Variants in CDHR3 observed in about 807,000 individuals in gnomAD.
The protein encoded by CDHR3 is cadherin related family member 3.
CDHR3 carries 79 observed loss-of-function variants against 86.6 expected under a neutral mutation model. The observed-to-expected ratio is 0.91, with a 90% CI of 0.76 to 1.10. CDHR3 has a LOEUF of 1.10. CDHR3 is among the 50% of genes least tolerant of loss of function. The pLI, the probability that CDHR3 is intolerant of heterozygous loss-of-function variation, is 0.00. For missense variants in CDHR3, 1,081 were observed against 1,077.6 expected (o/e 1.00, Z -0.04); for synonymous variants, 421 against 402.4 (o/e 1.05, Z -0.55).
Position 106,032,409 on chromosome 7 carries a change from T to A in CDHR3, c.2370T>A (p.Tyr790Ter). The A allele has an allele frequency of 6.2e-7, 1 of 1,609,782 alleles. No individual in the cohort carries two copies. The highest frequency in any genetic ancestry group is 8.5e-7 in the Non-Finnish European group (1 of 1,177,066). Residue 790 changes from tyrosine (Y) to a stop codon, truncating the protein, a stop_gained, in exon 19 of 19, where the codon TAT (tyrosine) becomes TAA (stop). Coordinates refer to ENST00000317716, the MANE Select transcript of CDHR3 (RefSeq NM_152750.5). LOFTEE classifies it high-confidence loss of function. ...EAIDPVTGET[Y>*]EFNSKTGARK... ...TTTCACTAGTGACCGGGGAAACATA[T>A]GAATTCAACTCAAAAACTGGAGCCA... is the stretch of plus-strand genomic sequence containing the variant.
intron 3 of CDHR3, among the ~76,000 whole-genome samples, chr7:105,981,872 A>G (rs1248376284): frequency 6.6e-6 from 1 of 151,884 alleles, no homozygotes; most frequent in Non-Finnish European, 1.5e-5. Context: ...GCCTTGAGTC[A>G]TCCTTGACTC....
chr7:105,970,516 C>A (rs889713670), intron 1 of CDHR3, among the ~76,000 whole-genome samples: 1 of 152,120 alleles, frequency 6.6e-6, no homozygotes, highest in African/African-American at 2.4e-5. Flanking sequence ...TCCATTAGAG[C>A]CTCCTTCTTG....
intron 13 of CDHR3, among the ~76,000 whole-genome samples, chr7:106,021,385 G>A (rs1311423277): frequency 2.0e-5 from 3 of 152,162 alleles, no homozygotes; most frequent in Non-Finnish European, 4.4e-5. Flanking sequence ...AAACTGCCTC[G>A]AGACTGCAGT....
intron 1 of CDHR3, among the ~76,000 whole-genome samples, chr7:105,966,054 T>A (rs17287314): frequency 0.22 from 33,401 of 152,034 alleles, 4,567 homozygotes; most frequent in Non-Finnish European, 0.3. Flanking sequence ...ACCAACAGCT[T>A]ACAAAGGGAG....
intron 8 of CDHR3, 126 bp downstream of exon 8, chr7:106,004,813 G>A (rs1407589752): frequency 1.7e-5 from 15 of 878,704 alleles, no homozygotes; most frequent in South Asian, 9.3e-5. Flanking sequence ...AGAATAAATC[G>A]ATGTGAACTG....
At chr7:105,966,008 A>G (rs1026549344) in intron 1 of CDHR3, among the ~76,000 whole-genome samples, 2 of 152,160 alleles carry the variant, frequency 1.3e-5, no homozygotes, top group Middle Eastern at 3.2e-3. Context: ...TCCTATGAAG[A>G]TGAGTTTCCC....
At chr7:105,987,981 T>C (rs946583439) in intron 4 of CDHR3, among the ~76,000 whole-genome samples, 2 of 152,214 alleles carry the variant, frequency 1.3e-5, no homozygotes, top group Admixed American at 1.3e-4. Context: ...GCCTCAACTT[T>C]CCTGGCTCAG....
At chr7:105,965,669 G>A (rs961951231) in intron 1 of CDHR3, among the ~76,000 whole-genome samples, 2 of 148,816 alleles carry the variant, frequency 1.3e-5, no homozygotes, top group Non-Finnish European at 1.5e-5. Context: ...TGCCTGCAAA[G>A]AGTTCAGTCC....
chr7:106,010,059 G>T (rs1193457460), intron 8 of CDHR3, among the ~76,000 whole-genome samples: 2 of 152,192 alleles, frequency 1.3e-5, no homozygotes, highest in Non-Finnish European at 2.9e-5. Context: ...GCCCTGGAGG[G>T]CCAAGTGAGG....
intron 13 of CDHR3, among the ~76,000 whole-genome samples, chr7:106,021,610 C>A (rs1240236428): frequency 1.3e-5 from 2 of 152,208 alleles, no homozygotes; most frequent in Admixed American, 6.5e-5. Flanking sequence ...CCCAGCAGAG[C>A]TGTGTGTGTG....
At chr7:106,000,002 C>T (rs374533736) in intron 6 of CDHR3, among the ~76,000 whole-genome samples, 7 of 152,202 alleles carry the variant, frequency 4.6e-5, no homozygotes, top group African/African-American at 9.6e-5. Flanking sequence ...CAGAAGGGAC[C>T]GAGGGGCTTG....
chr7:105,964,271 T>C (rs1223344080), intron 1 of CDHR3, among the ~76,000 whole-genome samples: 1 of 152,168 alleles, frequency 6.6e-6, no homozygotes, highest in Non-Finnish European at 1.5e-5. Context: ...TTTCTTTTTT[T>C]ACATTTGTAA....
At position 105,974,847 on chromosome 7, in the gene CDHR3, G is replaced by A. The variant is rs1477102860; in HGVS notation, c.50G>A (p.Gly17Glu). Residue 17 changes from glycine to glutamate, a missense_variant, in exon 2 of 19, where the codon GGA becomes GAA. By Grantham distance (98) the Gly-to-Glu change is moderately conservative. Coordinates refer to ENST00000317716, the MANE Select transcript of CDHR3 (RefSeq NM_152750.5). The part of the protein sequence containing the change: ...LLALLGAMSG[G>E]EALHLILLPA... Reference sequence around the variant, plus strand: ...CTGCACCCTTTTTACTCCACAGGGGGAGAAGCACTACACCTAATCCTCTTA... The same window carrying A: ...CTGCACCCTTTTTACTCCACAGGGGAAGAAGCACTACACCTAATCCTCTTA... The A allele has an allele frequency of 1.2e-6, 2 of 1,612,732 alleles. No individual in the cohort carries two copies.
rs535830068 is a variant in CDHR3, at chr7:106,030,510, TC to T, written c.2305-278del. On this transcript the variant is annotated intron_variant, in intron 17 of 18. Coordinates refer to ENST00000317716, the MANE Select transcript of CDHR3 (RefSeq NM_152750.5). This position sits in a 1 kb window ranked among gnomAD's most constrained non-coding sequence, Gnocchi z 4.8. ...TTAACCCCCAAGTGTGGTTTAAATG[TC>T]CCCTCTACCCCTACCTGTGCCCCAT... is the stretch of plus-strand genomic sequence containing the variant. Among the ~76,000 whole-genome samples the T allele has an allele frequency of 2.1e-3, 325 of 152,324 alleles. No homozygotes were observed. The highest frequency in any genetic ancestry group is 5.2e-3 in the Admixed American group (80 of 15,298).
Position 106,032,218 on chromosome 7 carries a change from A to T in CDHR3, c.2354-175A>T, listed in dbSNP as rs541965259. On this transcript the variant is annotated intron_variant, in intron 18 of 18. Transcript: ENST00000317716. ...GAGCAGCACGGCTTGTGGCAAGGGCAGGCTGGTGGAGATTGTGGGGCTATT... is the reference window on the plus strand; with the variant it reads ...GAGCAGCACGGCTTGTGGCAAGGGCTGGCTGGTGGAGATTGTGGGGCTATT... Among the ~76,000 whole-genome samples the T allele has an allele frequency of 3.3e-5, 5 of 152,304 alleles. No homozygotes were observed. In the East Asian group the frequency reaches 9.7e-4, roughly 29 times the overall value.
Position 105,963,502 on chromosome 7 carries a change from G to C in CDHR3, c.46+138G>C, listed in dbSNP as rs547467284. ...AGGGCTTAGCTGCAGTAATGAATGA[G>C]GTGATGCCGCTCCAGGGAGCCCTGG... On this transcript the variant is annotated intron_variant, in intron 1 of 18. Coordinates refer to ENST00000317716, the MANE Select transcript of CDHR3 (RefSeq NM_152750.5). 1.8e-5 allele frequency: 16 copies of C among 877,986 alleles called. 1 individual carries two copies. In the African/African-American group the frequency reaches 2.7e-4, roughly 15 times the overall value. 54.4% of individuals were successfully genotyped at this position (877,986 alleles called of 1,614,324 possible).
intron 4 of CDHR3, among the ~76,000 whole-genome samples, chr7:105,988,977 G>A (rs1488757477): frequency 6.6e-6 from 1 of 152,138 alleles, no homozygotes; most frequent in African/African-American, 2.4e-5. Flanking sequence ...GTGCAGACCA[G>A]CCACATTTCA....
chr7:106,007,624 T>C (rs549079357), intron 8 of CDHR3, among the ~76,000 whole-genome samples: 1 of 152,306 alleles, frequency 6.6e-6, no homozygotes, highest in Admixed American at 6.5e-5. Flanking sequence ...CCCAACAAGT[T>C]CCTCATCTCC....
intron 16 of CDHR3, 78 bp downstream of exon 16, chr7:106,026,773 C>T: frequency 2.7e-6 from 4 of 1,460,790 alleles, no homozygotes; most frequent in Non-Finnish European, 3.8e-6. Flanking sequence ...TCCTACTCGG[C>T]AAAGAATCAG....
Sources: gnomAD v4.1 joint callset for allele counts (sites outside exome capture counted in the v4.1 genomes callset) on GRCh38, gnomAD v4.1.1 for gene constraint, Gnocchi (gnomAD v3.1) non-coding constraint, MANE v1.5 for transcripts, NCBI Gene and HGNC (gene_info 2026-07-23, HGNC 2026-07-21) for gene names.